The following SLC16A10 variants were observed in gnomAD, a reference collection of about 807,000 sequenced individuals.
SLC16A10 encodes the protein solute carrier family 16 member 10.
In SLC16A10, 27 loss-of-function variants were observed where a neutral mutation model predicts 40.0. That is an observed-to-expected ratio of 0.67 (90% CI 0.50 to 0.93). The LOEUF is 0.93. Among genes scored for constraint, SLC16A10 ranks in the 40% least tolerant of loss-of-function variants. SLC16A10 has a pLI of 0.00. For missense variants in SLC16A10, 529 were observed against 658.2 expected (o/e 0.80, Z 2.15); for synonymous variants, 213 against 249.8 (o/e 0.85, Z 1.39).
intron 3 of SLC16A10, among the ~76,000 whole-genome samples, chr6:111,204,132 T>A (rs1281710428): frequency 6.6e-6 from 1 of 152,126 alleles, no homozygotes; most frequent in Non-Finnish European, 1.5e-5. Flanking sequence ...ACTGCTGTAG[T>A]GGTCCCGGTG....
Position 111,224,308 on chromosome 6 carries a change from C to T in SLC16A10, c.*2073C>T, listed in dbSNP as rs1770952613. ...TTTAGCACAGACTCCCCTCAAAACA[C>T]CTTCTCCCCAATTTTACAGAAAGTA... On this transcript the variant is annotated 3_prime_UTR_variant, in exon 6 of 6. Transcript: ENST00000368851. 1 of 152,174 alleles carries T rather than the reference C, an allele frequency of 6.6e-6. No homozygotes were observed. The highest frequency in any genetic ancestry group is 2.4e-5 in the African/African-American group (1 of 41,430). 9.4% of individuals were successfully genotyped at this position (152,174 alleles called of 1,614,324 possible).
At chr6:111,189,100 A>G (rs1772948446) in intron 3 of SLC16A10, among the ~76,000 whole-genome samples, 1 of 152,222 alleles carries the variant, frequency 6.6e-6, no homozygotes, top group Non-Finnish European at 1.5e-5. Context: ...TGGGGATACA[A>G]TGCTAAGAAC....
At chr6:111,178,472 G>A (rs767772269) in intron 3 of SLC16A10, 1 of 529,000 alleles carries the variant, frequency 1.9e-6, no homozygotes, top group Non-Finnish European at 3.9e-6. Context: ...CCTCACGCCT[G>A]TAATCCCACC....
At chr6:111,205,628 C>T (rs184409836) in intron 3 of SLC16A10, among the ~76,000 whole-genome samples, 68 of 152,318 alleles carry the variant, frequency 4.5e-4, no homozygotes, top group African/African-American at 1.6e-3. Context: ...TTCCATTTTA[C>T]AGACAAAGAA....
At chr6:111,138,048 C>T (rs949369616) in intron 1 of SLC16A10, among the ~76,000 whole-genome samples, 83 of 152,342 alleles carry the variant, frequency 5.4e-4, no homozygotes, top group African/African-American at 1.9e-3. Context: ...GCTCTGTTTT[C>T]ACTCTATTAA....
At chr6:111,132,528 A>C (rs1014993106) in intron 1 of SLC16A10, among the ~76,000 whole-genome samples, 6 of 152,362 alleles carry the variant, frequency 3.9e-5, no homozygotes, top group African/African-American at 1.4e-4. Context: ...TGCTTTGCTA[A>C]AAGTAGAAAA....
chr6:111,135,856 G>A (rs1180093386), intron 1 of SLC16A10, among the ~76,000 whole-genome samples: 1 of 152,196 alleles, frequency 6.6e-6, no homozygotes, highest in Non-Finnish European at 1.5e-5. Context: ...TGGCTACAAG[G>A]TTTCCAAACC....
At chr6:111,165,572 C>A (rs958591776) in intron 1 of SLC16A10, among the ~76,000 whole-genome samples, 1 of 152,174 alleles carries the variant, frequency 6.6e-6, no homozygotes, top group East Asian at 1.9e-4. Flanking sequence ...TTTAGCCTCA[C>A]CAAGTGGCCA....
At position 111,171,636 on chromosome 6, in the gene SLC16A10, C is replaced by T. The variant is rs190453253; in HGVS notation, c.344-1059C>T. ...TTCAAGACCAGCCTGGGCAACCTGG[C>T]AAAACCTTGTTTCTACAAAAAGTAC... On this transcript the variant is annotated intron_variant, in intron 1 of 5. Coordinates refer to ENST00000368851, the MANE Select transcript of SLC16A10 (RefSeq NM_018593.5). Among the ~76,000 whole-genome samples the T allele has an allele frequency of 7.6e-4, 115 of 152,008 alleles. 2 individuals are homozygous for T. In the South Asian group the frequency reaches 0.022, roughly 29 times the overall value.
chr6:111,210,601 G>A (rs1384870407), intron 4 of SLC16A10, among the ~76,000 whole-genome samples: 1 of 152,174 alleles, frequency 6.6e-6, no homozygotes, highest in Non-Finnish European at 1.5e-5. Context: ...AGTTCCTAAA[G>A]CAAGCCTGAG....
chr6:111,141,148 G>A (rs1190595567), intron 1 of SLC16A10, among the ~76,000 whole-genome samples: 2 of 152,148 alleles, frequency 1.3e-5, no homozygotes, highest in South Asian at 2.1e-4. Flanking sequence ...ATAGGGATGT[G>A]ATGTTTGGGT....
At chr6:111,200,611 G>C (rs1357446496) in intron 3 of SLC16A10, among the ~76,000 whole-genome samples, 1 of 152,192 alleles carries the variant, frequency 6.6e-6, no homozygotes, top group East Asian at 1.9e-4. Flanking sequence ...AAAATAAACT[G>C]TCTCATTTCA....
chr6:111,218,678 T>C, intron 4 of SLC16A10, 136 bp from the exon 5 acceptor site: 1 of 689,722 alleles, frequency 1.4e-6, no homozygotes, highest in Non-Finnish European at 2.5e-6. Context: ...ATTATGTATG[T>C]AAAATCAAAG....
At chr6:111,172,886 C>T in intron 2 of SLC16A10, 47 bp downstream of exon 2, 1 of 1,581,108 alleles carries the variant, frequency 6.3e-7, no homozygotes, top group Non-Finnish European at 8.6e-7. Flanking sequence ...CTGTTAGATA[C>T]CTTAAAGTTT....
chr6:111,217,595 G>A (rs1303677831), intron 4 of SLC16A10, among the ~76,000 whole-genome samples: 1 of 151,984 alleles, frequency 6.6e-6, no homozygotes, highest in Non-Finnish European at 1.5e-5. Flanking sequence ...GATTACAGGC[G>A]CCGGCCACCA....
Position 111,225,871 on chromosome 6 carries a change from T to C in SLC16A10, c.*3636T>C, listed in dbSNP as rs2114600473. 6.6e-6 allele frequency: 1 copy of C among 152,276 alleles called. No homozygotes were observed. Among genetic ancestry groups the C allele is most frequent in the South Asian group, 2.1e-4 (1 of 4,812 alleles). 9.4% of individuals were successfully genotyped at this position (152,276 alleles called of 1,614,324 possible). A position where few individuals can be genotyped will look rare whatever the true frequency, so the allele number is the denominator to read the frequency against. On this transcript the variant is annotated 3_prime_UTR_variant, in exon 6 of 6. Coordinates refer to ENST00000368851, the MANE Select transcript of SLC16A10 (RefSeq NM_018593.5). ...TTCTTATCCTCATCATTTTTTCATT[T>C]CCCTTTACTTCCTCCTATCCTTCAA...
At chr6:111,192,783 G>A (rs2114567742) in intron 3 of SLC16A10, among the ~76,000 whole-genome samples, 1 of 152,216 alleles carries the variant, frequency 6.6e-6, no homozygotes, top group Admixed American at 6.5e-5. Context: ...CAGAGGAACT[G>A]CCCTTTATGA....
chr6:111,169,133 A>ATGG (rs1772536114), intron 1 of SLC16A10, among the ~76,000 whole-genome samples: 1 of 152,096 alleles, frequency 6.6e-6, no homozygotes, highest in South Asian at 2.1e-4. Flanking sequence ...CTATACTGTA[A>ATGG]TGGTGTCTGT....
rs1470163974 is a variant in SLC16A10, at chr6:111,229,171, T to C, written c.*6936T>C. On this transcript the variant is annotated 3_prime_UTR_variant, in exon 6 of 6. Transcript: ENST00000368851. Reference sequence around the variant, plus strand: ...TTCATGTTCCTTTCAAAATTATTTTTCTTTTAAAAATATTAATATACAACA... The same window carrying C: ...TTCATGTTCCTTTCAAAATTATTTTCCTTTTAAAAATATTAATATACAACA... The C allele has an allele frequency of 1.3e-5, 2 of 152,164 alleles. No homozygotes were observed. The highest frequency in any genetic ancestry group is 4.8e-5 in the African/African-American group (2 of 41,440). 9.4% of individuals were successfully genotyped at this position (152,164 alleles called of 1,614,324 possible). A position where few individuals can be genotyped will look rare whatever the true frequency, so the allele number is the denominator to read the frequency against.
Sources: gnomAD v4.1 joint callset for allele counts (sites outside exome capture counted in the v4.1 genomes callset) on GRCh38, gnomAD v4.1.1 for gene constraint, MANE v1.5 for transcripts, NCBI Gene and HGNC (gene_info 2026-07-23, HGNC 2026-07-21) for gene names.